The following KCNH5 variants were observed in gnomAD, a reference collection of about 807,000 sequenced individuals.
KCNH5 encodes the protein voltage-gated delayed rectifier potassium channel KCNH5.
A neutral mutation model predicts 96.1 loss-of-function variants in KCNH5; 46 were observed. That is an observed-to-expected ratio of 0.48 (90% confidence interval 0.38 to 0.61). The LOEUF is 0.61. Ranked by LOEUF, KCNH5 falls within the 20% of genes least tolerant of loss-of-function variation. The pLI is 0.00. For missense variants in KCNH5, 907 were observed against 1,225.8 expected (o/e 0.74, Z 3.88); for synonymous variants, 439 against 449.8 (o/e 0.98, Z 0.30).
chr14:62,955,399 A>G (rs376300889), intron 6 of KCNH5, among the ~76,000 whole-genome samples: 9 of 152,376 alleles, frequency 5.9e-5, no homozygotes, highest in East Asian at 3.9e-4. Context: ...ACTACATGCC[A>G]GGTACTATTC....
chr14:62,915,450 T>C (rs1458323635), intron 7 of KCNH5, among the ~76,000 whole-genome samples: 1 of 152,156 alleles, frequency 6.6e-6, no homozygotes, highest in Non-Finnish European at 1.5e-5. Flanking sequence ...TCTTTCCCAG[T>C]AGAGTTAAAG....
chr14:63,020,498 C>T (rs750814132), intron 1 of KCNH5, among the ~76,000 whole-genome samples: 15 of 152,022 alleles, frequency 9.9e-5, no homozygotes, highest in Non-Finnish European at 1.6e-4. Flanking sequence ...ACTTCTGACA[C>T]ATGCAACAAT....
At chr14:62,837,021 G>A (rs1035109525) in intron 8 of KCNH5, among the ~76,000 whole-genome samples, 5 of 152,100 alleles carry the variant, frequency 3.3e-5, no homozygotes, top group East Asian at 1.9e-4. Flanking sequence ...AGACTATAAC[G>A]CCTGCCACAT....
At chr14:62,982,843 T>C (rs116632543) in intron 5 of KCNH5, among the ~76,000 whole-genome samples, 59 of 152,342 alleles carry the variant, frequency 3.9e-4, no homozygotes, top group African/African-American at 1.4e-3. Context: ...ATTTTATGTA[T>C]TTGCCATTAT....
chr14:63,038,524 A>G (rs962994616), intron 1 of KCNH5, among the ~76,000 whole-genome samples: 1 of 152,188 alleles, frequency 6.6e-6, no homozygotes, highest in African/African-American at 2.4e-5. Context: ...TCTATTTTCA[A>G]TAAAATTTCC....
chr14:62,915,164 A>G (rs183175821), intron 7 of KCNH5, among the ~76,000 whole-genome samples: 1 of 152,346 alleles, frequency 6.6e-6, no homozygotes, highest in East Asian at 1.9e-4. Context: ...CTCATGTGAG[A>G]TTCTTACTAA....
chr14:62,753,377 G>A (rs1885545620), intron 10 of KCNH5, among the ~76,000 whole-genome samples: 1 of 152,154 alleles, frequency 6.6e-6, no homozygotes, highest in African/African-American at 2.4e-5. Context: ...GCAAATCTAA[G>A]AGTTACTGGT....
At chr14:63,001,268 A>T in intron 4 of KCNH5, 63 bp downstream of exon 4, 1 of 1,463,334 alleles carries the variant, frequency 6.8e-7, no homozygotes, top group South Asian at 1.4e-5. Context: ...CAGAGGTAAA[A>T]CAGTAAGAAG....
At chr14:62,987,364 C>T (rs1356818261) in intron 4 of KCNH5, among the ~76,000 whole-genome samples, 177 bp from the exon 5 acceptor site, 2 of 152,232 alleles carry the variant, frequency 1.3e-5, no homozygotes, top group East Asian at 3.9e-4. Flanking sequence ...TGAAGTGTGG[C>T]CATAAAATAA....
chr14:62,947,544 A>T (rs774051006), intron 7 of KCNH5, among the ~76,000 whole-genome samples: 4 of 152,186 alleles, frequency 2.6e-5, no homozygotes, highest in Non-Finnish European at 5.9e-5. Flanking sequence ...ACAACTGCCA[A>T]CACTGATGCT....
At chr14:62,826,399 C>T (rs1026934162) in intron 8 of KCNH5, among the ~76,000 whole-genome samples, 58 of 108,098 alleles carry the variant, frequency 5.4e-4, no homozygotes, top group Middle Eastern at 4.2e-3. Flanking sequence ...TGTGTGTGTG[C>T]GTGCGTGCAT....
chr14:63,036,222 T>C (rs1297601467), intron 1 of KCNH5, among the ~76,000 whole-genome samples: 1 of 152,226 alleles, frequency 6.6e-6, no homozygotes, highest in Non-Finnish European at 1.5e-5. Context: ...TTCTGACCTG[T>C]AGTTCTTTCT....
At chr14:62,923,555 C>T (rs983545825) in intron 7 of KCNH5, among the ~76,000 whole-genome samples, 24 of 151,930 alleles carry the variant, frequency 1.6e-4, no homozygotes, top group Non-Finnish European at 2.8e-4. Flanking sequence ...ATTATTCTCT[C>T]TGATTTCAAA....
At chr14:63,033,627 G>A (rs6573476) in intron 1 of KCNH5, among the ~76,000 whole-genome samples, 36,255 of 152,028 alleles carry the variant, frequency 0.24, 5,017 homozygotes, top group East Asian at 0.43. Flanking sequence ...GTCAGGGGCC[G>A]TGTCTATTTG....
chr14:62,947,601 C>T (rs546471415), intron 7 of KCNH5, among the ~76,000 whole-genome samples: 1 of 152,224 alleles, frequency 6.6e-6, no homozygotes, highest in South Asian at 2.1e-4. Flanking sequence ...CCTGCTTAGA[C>T]TCAAGATATT....
chr14:62,981,199 G>A lies in KCNH5; in HGVS notation c.615C>T (p.His205=), dbSNP rs761046774. 1 of 1,614,082 alleles carries A rather than the reference G, an allele frequency of 6.2e-7. No individual in the cohort carries two copies. The highest frequency in any genetic ancestry group is 8.5e-7 in the Non-Finnish European group (1 of 1,179,926). ...YKQEAPKTPP[H]IILHYCAFKT... The stretch of plus-strand genomic sequence containing the variant: ...TAAAAGCACAATAATGTAAAATAAT[G>A]TGTGGTGGCGTCTTTGGCGCTTCTT... Residue 205 remains histidine (H), a synonymous_variant, in exon 6 of 11, where the codon CAC becomes CAT. Coordinates refer to ENST00000322893, the MANE Select transcript of KCNH5 (RefSeq NM_139318.5).
intron 7 of KCNH5, among the ~76,000 whole-genome samples, chr14:62,892,855 A>G (rs1232075003): frequency 6.6e-6 from 1 of 151,902 alleles, no homozygotes; most frequent in Non-Finnish European, 1.5e-5. Context: ...GACCTGGTGT[A>G]CCCCCCCAAA....
At chr14:62,845,497 A>AT (rs1373375313) in intron 8 of KCNH5, among the ~76,000 whole-genome samples, 3 of 152,228 alleles carry the variant, frequency 2.0e-5, no homozygotes, top group Non-Finnish European at 2.9e-5. Flanking sequence ...TACAAAAGCC[A>AT]TATGTGCTCA....
intron 8 of KCNH5, among the ~76,000 whole-genome samples, chr14:62,812,398 T>A (rs1886890662): frequency 2.0e-5 from 3 of 152,248 alleles, no homozygotes; most frequent in African/African-American, 7.2e-5. Flanking sequence ...GATTCACTGT[T>A]AAGTTGTTAT....
Sources: gnomAD v4.1 joint callset for allele counts (sites outside exome capture counted in the v4.1 genomes callset) on GRCh38, gnomAD v4.1.1 for gene constraint, MANE v1.5 for transcripts, NCBI Gene and HGNC (gene_info 2026-07-23, HGNC 2026-07-21) for gene names.